DSCAML1: variants seen among roughly 807,000 people sequenced by gnomAD.
DSCAML1 encodes DS cell adhesion molecule like 1.
In DSCAML1, 38 loss-of-function variants were observed where a neutral mutation model predicts 200.5. That is an observed-to-expected ratio of 0.19 (90% CI 0.15 to 0.25). DSCAML1 has a LOEUF of 0.25. Ranked by LOEUF, DSCAML1 falls within the 10% of genes least tolerant of loss-of-function variation. DSCAML1 has a pLI of 1.00. For missense variants in DSCAML1, 2,223 were observed against 2,858.8 expected (o/e 0.78, Z 5.07); for synonymous variants, 1,215 against 1,165.0 (o/e 1.04, Z -0.87).
At chr11:117,462,009 C>T (rs916599528) in intron 17 of DSCAML1, among the ~76,000 whole-genome samples, 6 of 152,188 alleles carry the variant, frequency 3.9e-5, no homozygotes, top group African/African-American at 1.2e-4. Context: ...GTCTGCAATG[C>T]ATCACCTCAT....
At chr11:117,789,626 C>T (rs765000556) in intron 1 of DSCAML1, among the ~76,000 whole-genome samples, 3 of 152,090 alleles carry the variant, frequency 2.0e-5, no homozygotes, top group East Asian at 1.9e-4. Context: ...CGATGTCATT[C>T]GAGGGTGTAT....
chr11:117,646,277 G>A (rs748885839), intron 3 of DSCAML1, among the ~76,000 whole-genome samples: 5 of 151,854 alleles, frequency 3.3e-5, no homozygotes, highest in African/African-American at 7.3e-5. Flanking sequence ...GCAGAGTCCC[G>A]GGACTCCCTG....
At chr11:117,736,912 C>T (rs1186283550) in intron 3 of DSCAML1, among the ~76,000 whole-genome samples, 2 of 152,206 alleles carry the variant, frequency 1.3e-5, no homozygotes, top group Non-Finnish European at 2.9e-5. Context: ...TCTTTCTCAT[C>T]CTTCGGCTCC....
intron 3 of DSCAML1, among the ~76,000 whole-genome samples, chr11:117,698,442 C>T (rs1420569128): frequency 1.3e-5 from 2 of 152,222 alleles, no homozygotes; most frequent in Non-Finnish European, 2.9e-5. Flanking sequence ...TGTACATCCT[C>T]AATCTATAAA....
intron 18 of DSCAML1, among the ~76,000 whole-genome samples, chr11:117,460,773 G>A (rs996832096): frequency 1.3e-5 from 2 of 152,098 alleles, no homozygotes; most frequent in Non-Finnish European, 2.9e-5. Flanking sequence ...TCCACTGTGC[G>A]CACCTCTCTG....
At chr11:117,739,101 A>G (rs1359832195) in intron 3 of DSCAML1, among the ~76,000 whole-genome samples, 2 of 152,246 alleles carry the variant, frequency 1.3e-5, no homozygotes. Context: ...CAGGGTAATA[A>G]AAGCAAAGGT....
intron 21 of DSCAML1, among the ~76,000 whole-genome samples, chr11:117,443,190 G>A (rs572344967): frequency 7.9e-5 from 12 of 152,330 alleles, no homozygotes; most frequent in African/African-American, 2.6e-4. Flanking sequence ...GCTAGTTGTG[G>A]CCAGTTCCTA....
intron 3 of DSCAML1, among the ~76,000 whole-genome samples, chr11:117,565,459 C>A (rs2050740598): frequency 6.6e-6 from 1 of 152,206 alleles, no homozygotes; most frequent in Non-Finnish European, 1.5e-5. Context: ...TGCCCCTTAG[C>A]ATTTCTGACG....
chr11:117,439,621 G>C (rs1028653496), intron 22 of DSCAML1, among the ~76,000 whole-genome samples, 192 bp from the exon 23 acceptor site: 7 of 152,122 alleles, frequency 4.6e-5, no homozygotes, highest in Non-Finnish European at 8.8e-5. Context: ...CCGGGGAAGG[G>C]AGGTCCTTGG....
chr11:117,544,967 C>T (rs1390356501), intron 3 of DSCAML1, among the ~76,000 whole-genome samples: 1 of 151,986 alleles, frequency 6.6e-6, no homozygotes, highest in Non-Finnish European at 1.5e-5. Flanking sequence ...TGTGGTGGCT[C>T]ATGCCTGTAA....
chr11:117,696,985 G>A lies in DSCAML1; in HGVS notation c.511+79806C>T, dbSNP rs183460993. 1.2e-3 allele frequency among the ~76,000 whole-genome samples: 184 copies of A among 152,344 alleles called. 1 individual carries two copies. The highest frequency in any genetic ancestry group is 4.2e-3 in the African/African-American group (175 of 41,566). ...AGACTCTTCAGGGACTAATATGGGA[G>A]CTAACATTTAACAAGGACCTTCTAT... On this transcript the variant is annotated intron_variant, in intron 3 of 32. Coordinates refer to ENST00000651296, the MANE Select transcript of DSCAML1 (RefSeq NM_020693.4).
chr11:117,733,578 G>A (rs1046939388), intron 3 of DSCAML1, among the ~76,000 whole-genome samples: 6 of 152,228 alleles, frequency 3.9e-5, no homozygotes, highest in Non-Finnish European at 5.9e-5. Context: ...CAGGCCTGCG[G>A]TCCCTCGACA....
intron 3 of DSCAML1, among the ~76,000 whole-genome samples, chr11:117,704,941 T>G (rs2053733130): frequency 6.6e-6 from 1 of 151,784 alleles, no homozygotes; most frequent in African/African-American, 2.4e-5. Flanking sequence ...GCGCATTAGG[T>G]GGGTGGCGAA....
At chr11:117,618,847 T>C (rs1285358171) in intron 3 of DSCAML1, among the ~76,000 whole-genome samples, 1 of 152,124 alleles carries the variant, frequency 6.6e-6, no homozygotes, top group Non-Finnish European at 1.5e-5. Flanking sequence ...ACTTGTGGGC[T>C]TGTCACTCAA....
At chr11:117,502,443 A>C (rs1201418914) in intron 11 of DSCAML1, among the ~76,000 whole-genome samples, 1 of 152,204 alleles carries the variant, frequency 6.6e-6, no homozygotes, top group Non-Finnish European at 1.5e-5. Flanking sequence ...TCCCAAGCTG[A>C]GGGATGTAGA....
intron 1 of DSCAML1, among the ~76,000 whole-genome samples, chr11:117,792,352 C>T (rs957060694): frequency 2.0e-5 from 3 of 152,170 alleles, no homozygotes; most frequent in Non-Finnish European, 2.9e-5. Flanking sequence ...CGAGGCCACA[C>T]TCCCACTGCA....
chr11:117,520,829 C>T (rs1291563709), intron 6 of DSCAML1, among the ~76,000 whole-genome samples: 1 of 152,116 alleles, frequency 6.6e-6, no homozygotes, highest in East Asian at 1.9e-4. Context: ...ACTTGGGAGG[C>T]TGAGGTGGGA....
intron 3 of DSCAML1, among the ~76,000 whole-genome samples, chr11:117,743,640 A>T (rs894316488): frequency 6.6e-6 from 1 of 152,144 alleles, no homozygotes; most frequent in Non-Finnish European, 1.5e-5. Flanking sequence ...CCAAGCCCAG[A>T]TCCTTCTGAA....
chr11:117,814,062 C>T (rs1372395072), intron 1 of DSCAML1, among the ~76,000 whole-genome samples: 1 of 152,180 alleles, frequency 6.6e-6, no homozygotes, highest in Non-Finnish European at 1.5e-5. Flanking sequence ...CCCACCTTAA[C>T]TGAGTGATTA....
Sources: gnomAD v4.1 joint callset for allele counts (sites outside exome capture counted in the v4.1 genomes callset) on GRCh38, gnomAD v4.1.1 for gene constraint, MANE v1.5 for transcripts, NCBI Gene and HGNC (gene_info 2026-07-23, HGNC 2026-07-21) for gene names.